The following CSRP2 variants were observed in gnomAD, a reference collection of about 807,000 sequenced individuals.
CSRP2 encodes the protein cysteine and glycine-rich protein 2.
CSRP2 carries 18 observed loss-of-function variants against 24.6 expected under a neutral mutation model. That is an observed-to-expected ratio of 0.73 (90% confidence interval 0.51 to 1.09). CSRP2 has a LOEUF of 1.09. Among genes scored for constraint, CSRP2 ranks in the 50% least tolerant of loss-of-function variants. The probability of loss-of-function intolerance (pLI) is 0.00; values close to 1 mark genes in which losing one functional copy is unlikely to be tolerated. For synonymous variants in CSRP2, 87 were observed against 84.3 expected (o/e 1.03, Z -0.18); for missense variants, 215 against 239.4 (o/e 0.90, Z 0.67).
intron 1 of CSRP2, among the ~76,000 whole-genome samples, chr12:76,876,677 T>C (rs545164237): frequency 1.6e-4 from 24 of 152,332 alleles, no homozygotes; most frequent in African/African-American, 5.5e-4. Context: ...AGGGATGGCA[T>C]GCTGGCAGTC....
intron 5 of CSRP2, 113 bp downstream of exon 5, chr12:76,859,434 C>A (rs761842701): frequency 2.4e-5 from 17 of 712,406 alleles, no homozygotes; most frequent in Non-Finnish European, 3.7e-5. Flanking sequence ...ATTTTATTTT[C>A]AGAAAATAGT....
chr12:76,869,180 A>G (rs1953766501), intron 1 of CSRP2, among the ~76,000 whole-genome samples: 1 of 152,168 alleles, frequency 6.6e-6, no homozygotes, highest in African/African-American at 2.4e-5. Context: ...TCTGGAGGCC[A>G]GGAACACTGT....
chr12:76,868,711 C>T (rs376188689), intron 1 of CSRP2, among the ~76,000 whole-genome samples: 6 of 151,988 alleles, frequency 3.9e-5, no homozygotes, highest in South Asian at 2.1e-4. Context: ...TTTGGGAGGC[C>T]GAGGCAGGCG....
chr12:76,869,540 A>ACACACG (rs1225610018), intron 1 of CSRP2, among the ~76,000 whole-genome samples: 4 of 121,512 alleles, frequency 3.3e-5, no homozygotes, highest in Non-Finnish European at 7.0e-5. Context: ...ACACACACAC[A>ACACACG]CACACACACA....
rs1953732223 is a variant in CSRP2, at chr12:76,866,095, T to C, written c.112+54A>G. The C allele has an allele frequency of 7.4e-6, 10 of 1,353,868 alleles. No homozygotes were observed. In the South Asian group the frequency reaches 1.1e-4, roughly 15 times the overall value. The allele number at this position is 1,353,868 out of a possible 1,614,324, so 83.9% of individuals were successfully genotyped here. A position where few individuals can be genotyped will look rare whatever the true frequency, so the allele number is the denominator to read the frequency against. On this transcript the variant is annotated intron_variant, in intron 2 of 5. Transcript: ENST00000311083. ...ACAATTTTTCCTTAAATAGACATAT[T>C]GAAGCTCTGTACATACAAATTCCGT...
rs142769437 is a variant in CSRP2, at chr12:76,859,047, A to G, written c.506-19T>C. On this transcript the variant is annotated intron_variant, in intron 5 of 5. Transcript: ENST00000311083. ...TAGCATCCTACAAAGGAAAGGGAGGAAGGATAGTTAGTGCAAGTCCATTAA... is the reference window on the plus strand; with the variant it reads ...TAGCATCCTACAAAGGAAAGGGAGGGAGGATAGTTAGTGCAAGTCCATTAA... 7.9e-4 allele frequency: 1,279 copies of G among 1,610,962 alleles called. 10 individuals carry two copies. Among genetic ancestry groups the G allele is most frequent in the Non-Finnish European group, 3.4e-4 (405 of 1,177,096 alleles).
chr12:76,877,620 A>C (rs544745557), intron 1 of CSRP2, among the ~76,000 whole-genome samples: 2 of 152,302 alleles, frequency 1.3e-5, no homozygotes, highest in Non-Finnish European at 2.9e-5. Flanking sequence ...AGAAAACTAC[A>C]ATGCAGAGGA....
intron 3 of CSRP2, chr12:76,862,852 T>C (rs1293930808): frequency 6.5e-7 from 1 of 1,528,522 alleles, no homozygotes; most frequent in Admixed American, 2.1e-5. Context: ...ACAGCACATT[T>C]CTCTACCATT....
chr12:76,863,354 A>G lies in CSRP2; in HGVS notation c.113-10T>C, dbSNP rs2137825103. 1.9e-6 allele frequency: 3 copies of G among 1,613,160 alleles called. No homozygotes were observed. Among genetic ancestry groups the G allele is most frequent in the Non-Finnish European group, 2.5e-6 (3 of 1,179,556 alleles). ...TTTTTCCTGCAAACCACTGCAGGGGAAAAAGTTAGACTTTACACATGTTCC... is the reference window on the plus strand; with the variant it reads ...TTTTTCCTGCAAACCACTGCAGGGGGAAAAGTTAGACTTTACACATGTTCC... On this transcript the variant is annotated splice_polypyrimidine_tract_variant and intron_variant, in intron 2 of 5. Coordinates refer to ENST00000311083, the MANE Select transcript of CSRP2 (RefSeq NM_001321.3).
rs368109690 is a variant in CSRP2, at chr12:76,859,503, T to C, written c.505+44A>G. ...TGACATTTCATTAAACAAGAACCAG[T>C]GTGGAATATTCATATGGACAGCAGT... On this transcript the variant is annotated intron_variant, in intron 5 of 5. Transcript: ENST00000311083. The C allele has an allele frequency of 2.4e-4, 308 of 1,261,454 alleles. 2 individuals carry two copies. In the African/African-American group the frequency reaches 4.1e-3, roughly 17 times the overall value. 78.1% of individuals were successfully genotyped at this position (1,261,454 alleles called of 1,614,324 possible).
chr12:76,863,888 C>T (rs1265118380), intron 2 of CSRP2: 2 of 152,228 alleles, frequency 1.3e-5, no homozygotes, highest in Admixed American at 6.5e-5. Flanking sequence ...TTTCCTCCCC[C>T]AAAAGCACCT....
Position 76,866,148 on chromosome 12 carries a change from C to G in CSRP2, c.112+1G>C. The stretch of plus-strand genomic sequence containing the variant: ...AAGGTGGAGCATGGAGAGCTACTTA[C>G]TGCAGAGAAAGCAGCAGCGGTGGAA... On this transcript the variant is annotated splice_donor_variant, in intron 2 of 5. Transcript: ENST00000311083. LOFTEE classifies it high-confidence loss of function. The G allele has an allele frequency of 6.2e-7, 1 of 1,610,146 alleles. No individual in the cohort carries two copies. Among genetic ancestry groups the G allele is most frequent in the African/African-American group, 1.3e-5 (1 of 74,962 alleles).
At chr12:76,877,064 C>A (rs1011010785) in intron 1 of CSRP2, among the ~76,000 whole-genome samples, 1 of 152,220 alleles carries the variant, frequency 6.6e-6, no homozygotes, top group Non-Finnish European at 1.5e-5. Context: ...CGTTCCTCCC[C>A]CTTTCAGCCA....
chr12:76,863,207 G>A lies in CSRP2; in HGVS notation c.250C>T (p.Arg84Cys), dbSNP rs762670612. The change falls in exon 3 of 6, where the codon CGT (arginine) becomes TGT (cysteine). Residue 84 changes from arginine to cysteine, a missense_variant. Coordinates refer to ENST00000311083, the MANE Select transcript of CSRP2 (RefSeq NM_001321.3). ...GQGAGTLNMD[R>C]GERLGIKPES... ...GGTTTGATGCCCAGCCTCTCGCCAC[G>A]GTCCATGTTAAGCGTGCCAGCGCCC... 7 of 1,613,864 alleles carry A rather than the reference G, an allele frequency of 4.3e-6. No individual in the cohort carries two copies. The highest frequency in any genetic ancestry group is 4.5e-5 in the East Asian group (2 of 44,880).
intron 2 of CSRP2, among the ~76,000 whole-genome samples, chr12:76,865,280 A>T (rs1173901256): frequency 1.3e-5 from 2 of 152,236 alleles, no homozygotes; most frequent in African/African-American, 2.4e-5. Flanking sequence ...GCCTGCTGAA[A>T]AATAGATTCC....
chr12:76,866,107 C>T (rs200668191), intron 2 of CSRP2, 42 bp downstream of exon 2: 3 of 1,461,118 alleles, frequency 2.1e-6, no homozygotes, highest in East Asian at 2.3e-5. Context: ...AAGCTCTGTA[C>T]ATACAAATTC....
At chr12:76,864,361 G>GA (rs1592509044) in intron 2 of CSRP2, 1 of 152,092 alleles carries the variant, frequency 6.6e-6, no homozygotes, top group East Asian at 1.9e-4. Context: ...AGGAAGTGAG[G>GA]AGAGTTAATG....
At position 76,860,309 on chromosome 12, in the gene CSRP2, G is replaced by A. The variant is rs770287082; in HGVS notation, c.386C>T (p.Ala129Val). Residue 129 changes from alanine to valine, a missense_variant, in exon 4 of 6, where the codon GCC (alanine) becomes GTC (valine). Physicochemically the swap from Ala to Val is moderately conservative, Grantham distance 64. Transcript: ENST00000311083. ...CSRCGDSVYA[A>V]EKIIGAGKPW... Reference sequence around the variant, plus strand: ...CTTTCCAGCTCCAATTATCTTCTCGGCAGCATATACAGAATCCCCACATCT... The same window carrying A: ...CTTTCCAGCTCCAATTATCTTCTCGACAGCATATACAGAATCCCCACATCT... 1 of 1,613,870 alleles carries A rather than the reference G, an allele frequency of 6.2e-7. No homozygotes were observed. The highest frequency in any genetic ancestry group is 1.1e-5 in the South Asian group (1 of 91,030).
chr12:76,873,020 G>C (rs1261904172), intron 1 of CSRP2, among the ~76,000 whole-genome samples: 1 of 152,156 alleles, frequency 6.6e-6, no homozygotes. Context: ...AGAATGACTT[G>C]AATCTATGAA....
Sources: gnomAD v4.1 joint callset for allele counts (sites outside exome capture counted in the v4.1 genomes callset) on GRCh38, gnomAD v4.1.1 for gene constraint, MANE v1.5 for transcripts, NCBI Gene and HGNC (gene_info 2026-07-23, HGNC 2026-07-21) for gene names.